The following ACER3 variants were observed in gnomAD, a reference collection of about 807,000 sequenced individuals.
ACER3 encodes the protein alkaline ceramidase 3, also known as alkCDase 3.
ACER3 carries 16 observed loss-of-function variants against 48.9 expected under a neutral mutation model. The observed-to-expected ratio is 0.33, with a 90% confidence interval of 0.22 to 0.50. ACER3 has a LOEUF of 0.50. ACER3 is among the 20% of genes least tolerant of loss of function. The pLI, the probability that ACER3 is intolerant of heterozygous loss-of-function variation, is 0.98. For synonymous variants in ACER3, 109 were observed against 107.8 expected (o/e 1.01, Z -0.07); for missense variants, 227 against 326.0 (o/e 0.70, Z 2.34).
intron 3 of ACER3, among the ~76,000 whole-genome samples, chr11:76,965,699 A>C (rs1948119271): frequency 1.4e-5 from 2 of 146,684 alleles, no homozygotes; most frequent in Admixed American, 1.3e-4. Context: ...TTTCATATCC[A>C]GCCAAACTAA....
intron 2 of ACER3, among the ~76,000 whole-genome samples, chr11:76,934,013 C>T (rs1051534230): frequency 4.0e-5 from 6 of 150,412 alleles, no homozygotes; most frequent in South Asian, 4.2e-4. Flanking sequence ...CCAGACGGGG[C>T]GGCGGGGCAG....
At chr11:76,904,883 C>T (rs991537478) in intron 1 of ACER3, among the ~76,000 whole-genome samples, 4 of 151,890 alleles carry the variant, frequency 2.6e-5, no homozygotes, top group African/African-American at 9.7e-5. Flanking sequence ...GATGGAGTCT[C>T]CCTTTGTTGC....
At chr11:76,880,738 A>T (rs1945501529) in intron 1 of ACER3, among the ~76,000 whole-genome samples, 1 of 152,188 alleles carries the variant, frequency 6.6e-6, no homozygotes, top group Non-Finnish European at 1.5e-5. Flanking sequence ...GTGAGGGAAG[A>T]TTAGAGTATA....
intron 7 of ACER3, among the ~76,000 whole-genome samples, chr11:77,003,262 A>C (rs1189510157): frequency 6.6e-6 from 1 of 152,116 alleles, no homozygotes; most frequent in Admixed American, 6.5e-5. Context: ...CAGCTATTCA[A>C]ATGATTGATT....
intron 4 of ACER3, 113 bp downstream of exon 4, chr11:76,976,454 A>G: frequency 1.6e-6 from 1 of 615,012 alleles, no homozygotes; most frequent in Non-Finnish European, 2.7e-6. Flanking sequence ...ATAATGTAGA[A>G]GATTATAAAT....
chr11:76,952,287 T>G (rs1947693483), intron 2 of ACER3, among the ~76,000 whole-genome samples: 2 of 147,134 alleles, frequency 1.4e-5, no homozygotes, highest in African/African-American at 2.5e-5. Flanking sequence ...TGAGATGGAG[T>G]CTCTCCCTGT....
intron 2 of ACER3, among the ~76,000 whole-genome samples, chr11:76,954,331 A>C (rs1472051912): frequency 6.6e-6 from 1 of 152,198 alleles, no homozygotes; most frequent in Non-Finnish European, 1.5e-5. Flanking sequence ...TCATGGCTTA[A>C]GCCAAACTCT....
At chr11:76,966,567 C>T (rs1948143693) in intron 3 of ACER3, among the ~76,000 whole-genome samples, 1 of 151,142 alleles carries the variant, frequency 6.6e-6, no homozygotes, top group Non-Finnish European at 1.5e-5. Context: ...AAGTAAAGCA[C>T]TCCTCAGCAA....
intron 2 of ACER3, among the ~76,000 whole-genome samples, chr11:76,945,229 T>G (rs1029799935): frequency 1.3e-5 from 2 of 152,148 alleles, no homozygotes; most frequent in Non-Finnish European, 2.9e-5. Context: ...GGTTGGGATC[T>G]GGTGCTGGAC....
intron 3 of ACER3, among the ~76,000 whole-genome samples, chr11:76,959,498 T>C (rs1463726726): frequency 1.3e-5 from 2 of 152,178 alleles, no homozygotes. Context: ...CCAATACAAA[T>C]TCATAAACTT....
intron 1 of ACER3, among the ~76,000 whole-genome samples, chr11:76,922,008 G>A (rs1466339972): frequency 6.6e-6 from 1 of 152,094 alleles, no homozygotes; most frequent in East Asian, 1.9e-4. Context: ...CCAATGAGAA[G>A]CTGAATTAAA....
In ACER3 at chr11:76,946,742, C is replaced by T. The variant is rs541789061; in HGVS notation, c.215-12237C>T. ...CATCAGCAGCTTCATCTGTAGGTTC[C>T]TGATATCTAGGCTGTCACAATGGCA... On this transcript the variant is annotated intron_variant, in intron 2 of 10. Transcript: ENST00000532485. 7.2e-5 allele frequency among the ~76,000 whole-genome samples: 11 copies of T among 152,304 alleles called. No individual in the cohort carries two copies. The South Asian group carries it at 2.3e-3, about 32-fold the overall frequency.
At chr11:76,973,680 C>T (rs1193868035) in intron 3 of ACER3, among the ~76,000 whole-genome samples, 3 of 152,124 alleles carry the variant, frequency 2.0e-5, no homozygotes, top group Non-Finnish European at 2.9e-5. Context: ...TGGCCTGTCC[C>T]GTCTTTTCAC....
At chr11:76,884,257 C>A (rs1320623202) in intron 1 of ACER3, among the ~76,000 whole-genome samples, 1 of 151,950 alleles carries the variant, frequency 6.6e-6, no homozygotes, top group Non-Finnish European at 1.5e-5. Flanking sequence ...TTTTTCCTTG[C>A]ACCAAAGTCT....
intron 1 of ACER3, among the ~76,000 whole-genome samples, chr11:76,905,195 A>G (rs1946193694): frequency 6.6e-6 from 1 of 152,130 alleles, no homozygotes; most frequent in Non-Finnish European, 1.5e-5. Flanking sequence ...GTGCATTATG[A>G]AATATTTTGT....
intron 1 of ACER3, among the ~76,000 whole-genome samples, chr11:76,915,561 A>G (rs2134751100): frequency 2.0e-5 from 3 of 152,224 alleles, no homozygotes; most frequent in Admixed American, 2.0e-4. Context: ...CTGAACTATC[A>G]CCCGACATTT....
chr11:76,976,423 T>G, intron 4 of ACER3, 82 bp downstream of exon 4: 2 of 725,274 alleles, frequency 2.8e-6, no homozygotes, highest in Non-Finnish European at 4.5e-6. Context: ...ACTGATACAT[T>G]TATATTACTA....
chr11:76,860,951 G>A lies in ACER3; in HGVS notation c.-26G>A, dbSNP rs1282909251. ...CCTAACCCGGCACAGTGAGCGGAGC[G>A]CCTGGGCGGCGGCGGCGGCGGCGTG... On this transcript the variant is annotated 5_prime_UTR_variant, in exon 1 of 11. Transcript: ENST00000532485. The A allele has an allele frequency of 8.6e-6, 13 of 1,504,410 alleles. No individual in the cohort carries two copies. The highest frequency in any genetic ancestry group is 2.3e-4 in the Middle Eastern group (1 of 4,290). 93.2% of individuals were successfully genotyped at this position (1,504,410 alleles called of 1,614,324 possible).
At chr11:76,865,531 C>G (rs1284343279) in intron 1 of ACER3, among the ~76,000 whole-genome samples, 1 of 149,460 alleles carries the variant, frequency 6.7e-6, no homozygotes, top group Admixed American at 6.6e-5. Context: ...TTTTTCCAGA[C>G]GGAATCTCGC....
Sources: gnomAD v4.1 joint callset for allele counts (sites outside exome capture counted in the v4.1 genomes callset) on GRCh38, gnomAD v4.1.1 for gene constraint, MANE v1.5 for transcripts, NCBI Gene and HGNC (gene_info 2026-07-23, HGNC 2026-07-21) for gene names.